Variants in ABHD6 observed in about 807,000 individuals in gnomAD.
ABHD6 encodes abhydrolase domain containing 6, acylglycerol lipase.
A neutral mutation model predicts 38.8 loss-of-function variants in ABHD6; 33 were observed. The ratio of observed to expected loss-of-function variants is 0.85; its 90% CI spans 0.64 to 1.14. The LOEUF is 1.14. Among genes scored for constraint, ABHD6 ranks in the 50% most tolerant of loss-of-function variants. The pLI, the probability that ABHD6 is intolerant of heterozygous loss-of-function variation, is 0.00. For synonymous variants in ABHD6, 147 were observed against 161.6 expected (o/e 0.91, Z 0.69); for missense variants, 380 against 422.6 (o/e 0.90, Z 0.88).
Position 58,270,960 on chromosome 3 carries a change from A to T in ABHD6, c.419A>T (p.Lys140Ile). 6.2e-7 allele frequency: 1 copy of T among 1,610,488 alleles called. No individual in the cohort carries two copies. Among genetic ancestry groups the T allele is most frequent in the Non-Finnish European group, 8.5e-7 (1 of 1,179,004 alleles). The change falls in exon 6 of 10, where the codon AAA (lysine) becomes ATA (isoleucine). Residue 140 changes from lysine to isoleucine, a missense_variant. Transcript: ENST00000478253. ...QFVECLKLNK[K>I]PFHLVGTSMG... ...GTAGAATGCCTGAAGCTGAACAAAA[A>T]ACCTTTCCACCTGGTAGGCACCTCC...
intron 6 of ABHD6, among the ~76,000 whole-genome samples, chr3:58,271,290 T>TG (rs2097444689): frequency 1.3e-5 from 2 of 151,104 alleles, no homozygotes; most frequent in African/African-American, 4.9e-5. Context: ...GAATTTGAGG[T>TG]GGGGCCAGGC....
chr3:58,249,013 C>G (rs2097428288), intron 1 of ABHD6, among the ~76,000 whole-genome samples: 1 of 152,086 alleles, frequency 6.6e-6, no homozygotes, highest in Non-Finnish European at 1.5e-5. Context: ...ATTATCTGTT[C>G]AGATCATTTG....
chr3:58,263,563 C>T lies in ABHD6; in HGVS notation c.120-3626C>T, dbSNP rs2107445852. ...TGAATCCGGCAGTCTGGCCGCCTTC[C>T]AACCCTGTGTCTCTTCATTCTGGTT... On this transcript the variant is annotated intron_variant, in intron 3 of 9. Coordinates refer to ENST00000478253, the MANE Select transcript of ABHD6 (RefSeq NM_001320126.2). The surrounding 1 kb of genome is among the most constrained non-coding windows in gnomAD (Gnocchi z 4.9). Among the ~76,000 whole-genome samples, 1 of 152,310 alleles carries T rather than the reference C, an allele frequency of 6.6e-6. No individual in the cohort carries two copies.
rs1381564678 is a variant in ABHD6, at chr3:58,287,910, A to C, written c.837+2457A>C. On this transcript the variant is annotated intron_variant, in intron 9 of 9. Transcript: ENST00000478253. The surrounding 1 kb of genome is among the most constrained non-coding windows in gnomAD (Gnocchi z 4.7). ...TATTTTGAGGCTCAAATGAAATAAT[A>C]TGTATGAAAATGATCTTCCAGTTGC... 6.6e-5 allele frequency among the ~76,000 whole-genome samples: 10 copies of C among 152,252 alleles called. No individual in the cohort carries two copies. Among genetic ancestry groups the C allele is most frequent in the Non-Finnish European group, 1.5e-4 (10 of 68,038 alleles).
rs533356642 is a variant in ABHD6 at position 58,286,346 on chromosome 3, G to A, written c.837+893G>A. On this transcript the variant is annotated intron_variant, in intron 9 of 9. Transcript: ENST00000478253. ...TTTTGTATTTTTTTTAGTAGAGACG[G>A]GGTTTCACCATTTTGGCCAGGCTGG... Among the ~76,000 whole-genome samples, 211 of 152,110 alleles carry A rather than the reference G, an allele frequency of 1.4e-3. 2 individuals are homozygous for A. The highest frequency in any genetic ancestry group is 3.4e-3 in the Middle Eastern group (1 of 294).
chr3:58,268,830 C>A (rs1051677403), intron 4 of ABHD6, among the ~76,000 whole-genome samples: 4 of 152,100 alleles, frequency 2.6e-5, no homozygotes, highest in African/African-American at 9.7e-5. Flanking sequence ...GAAAAGTAGA[C>A]CTTAATGTAA....
At chr3:58,272,041 T>C (rs2097445409) in intron 6 of ABHD6, among the ~76,000 whole-genome samples, 11 of 152,270 alleles carry the variant, frequency 7.2e-5, no homozygotes, top group Admixed American at 7.2e-4. Flanking sequence ...TGGCCTCAAG[T>C]GATCTGCCCG....
At chr3:58,289,734 C>A (rs2097460230) in intron 9 of ABHD6, among the ~76,000 whole-genome samples, 1 of 152,266 alleles carries the variant, frequency 6.6e-6, no homozygotes, top group African/African-American at 2.4e-5. Context: ...ATGGCCTATT[C>A]TCAATGAGCT....
chr3:58,271,972 G>C (rs1268560916), intron 6 of ABHD6, among the ~76,000 whole-genome samples: 1 of 151,858 alleles, frequency 6.6e-6, no homozygotes, highest in East Asian at 1.9e-4. Flanking sequence ...CGCAATGTTG[G>C]CTAGGCAAAC....
rs993208772 is a variant in ABHD6, at chr3:58,251,777, C to T, written c.-26+1835C>T. On this transcript the variant is annotated intron_variant, in intron 2 of 9. Coordinates refer to ENST00000478253, the MANE Select transcript of ABHD6 (RefSeq NM_001320126.2). This position sits in a 1 kb window ranked among gnomAD's most constrained non-coding sequence, Gnocchi z 5.4. ...CCGCAGTGTCTTTAACCCTGGGGTG[C>T]CTCACTTTACACGATAAATAGATAA... Among the ~76,000 whole-genome samples, 13 of 152,266 alleles carry T rather than the reference C, an allele frequency of 8.5e-5. No homozygotes were observed. The highest frequency in any genetic ancestry group is 3.1e-4 in the African/African-American group (13 of 41,542).
chr3:58,258,263 C>T lies in ABHD6; in HGVS notation c.119+1558C>T, dbSNP rs951654358. 2.9e-4 allele frequency: 99 copies of T among 339,456 alleles called. No homozygotes were observed. In the Admixed American group the frequency reaches 3.3e-3, roughly 11 times the overall value. 21.0% of individuals were successfully genotyped at this position (339,456 alleles called of 1,614,324 possible). ...TGGAGGTTGCGGTGAGCTGAGATCGCGCCATTGCACTCCAGCCTGGGCAAC... is the reference window on the plus strand; with the variant it reads ...TGGAGGTTGCGGTGAGCTGAGATCGTGCCATTGCACTCCAGCCTGGGCAAC... On this transcript the variant is annotated intron_variant, in intron 3 of 9. Transcript: ENST00000478253.
chr3:58,277,047 T>C (rs1224995103), intron 7 of ABHD6, among the ~76,000 whole-genome samples: 1 of 152,240 alleles, frequency 6.6e-6, no homozygotes, highest in Non-Finnish European at 1.5e-5. Context: ...TCAGGTAGCT[T>C]GGTGCTTCCA....
Position 58,285,341 on chromosome 3 carries a change from T to G in ABHD6, c.737-12T>G. The G allele has an allele frequency of 6.2e-7, 1 of 1,613,218 alleles. No homozygotes were observed. Among genetic ancestry groups the G allele is most frequent in the Non-Finnish European group, 8.5e-7 (1 of 1,179,114 alleles). On this transcript the variant is annotated splice_polypyrimidine_tract_variant and intron_variant, in intron 8 of 9. Transcript: ENST00000478253. The surrounding 1 kb of genome is among the most constrained non-coding windows in gnomAD (Gnocchi z 4.9). ...CCAGCACATACTCACTTTGTTTTCCTTTTCTGACAAGTGTTTTTGGAAATC... is the reference window on the plus strand; with the variant it reads ...CCAGCACATACTCACTTTGTTTTCCGTTTCTGACAAGTGTTTTTGGAAATC...
intron 5 of ABHD6, 57 bp from the exon 6 acceptor site, chr3:58,270,875 A>G: frequency 2.0e-6 from 3 of 1,531,454 alleles, no homozygotes; most frequent in Non-Finnish European, 2.6e-6. Flanking sequence ...TGCTGTAGTC[A>G]CCATTGCCAT....
At chr3:58,289,780 C>A (rs1311917213) in intron 9 of ABHD6, among the ~76,000 whole-genome samples, 1 of 152,050 alleles carries the variant, frequency 6.6e-6, no homozygotes. Context: ...GGTGGCTGGG[C>A]AGAGGGGCTC....
chr3:58,293,920 C>A lies in ABHD6; in HGVS notation c.*155C>A. On this transcript the variant is annotated 3_prime_UTR_variant, in exon 10 of 10. Transcript: ENST00000478253. This position sits in a 1 kb window ranked among gnomAD's most constrained non-coding sequence, Gnocchi z 4.4. ...CTTATCCCTGGTATCCACGGTTCCC[C>A]AGAGCTTTGGGGACCACGCGAAAAC... 1 of 793,064 alleles carries A rather than the reference C, an allele frequency of 1.3e-6. No individual in the cohort carries two copies. Among genetic ancestry groups the A allele is most frequent in the Non-Finnish European group, 1.9e-6 (1 of 529,156 alleles). 49.1% of individuals were successfully genotyped at this position (793,064 alleles called of 1,614,324 possible).
chr3:58,252,150 G>A (rs1027119865), intron 2 of ABHD6, among the ~76,000 whole-genome samples: 3 of 151,008 alleles, frequency 2.0e-5, no homozygotes, highest in African/African-American at 7.3e-5. Context: ...CTCAGTGGCA[G>A]CCATTCAAGG....
Position 58,285,395 on chromosome 3 carries a change from A to C in ABHD6, c.779A>C (p.His260Pro). The C allele has an allele frequency of 6.2e-7, 1 of 1,614,152 alleles. No individual in the cohort carries two copies. The highest frequency in any genetic ancestry group is 8.5e-7 in the Non-Finnish European group (1 of 1,179,996). Reference sequence around the variant, plus strand: ...AGTGAGAAGTCCAGATACTCTCTCCATCAGAACATGGACAAGATCAAGGTT... The same window carrying C: ...AGTGAGAAGTCCAGATACTCTCTCCCTCAGAACATGGACAAGATCAAGGTT... ...IVSEKSRYSLHQNMDKIKVPT... is the reference protein window; with the variant it reads ...IVSEKSRYSLPQNMDKIKVPT... Residue 260 changes from histidine (H) to proline (P), a missense_variant, in exon 9 of 10, where the codon CAT (histidine) becomes CCT (proline). Coordinates refer to ENST00000478253, the MANE Select transcript of ABHD6 (RefSeq NM_001320126.2). This position sits in a 1 kb window ranked among gnomAD's most constrained non-coding sequence, Gnocchi z 4.9.
At chr3:58,239,017 C>T (rs2097421001) in intron 1 of ABHD6, among the ~76,000 whole-genome samples, 1 of 152,096 alleles carries the variant, frequency 6.6e-6, no homozygotes, top group Admixed American at 6.5e-5. Flanking sequence ...GTAGGTACCA[C>T]CGCTGTGCCC....
Sources: allele counts gnomAD v4.1 joint callset (sites outside exome capture counted in the v4.1 genomes callset), GRCh38; gene constraint gnomAD v4.1.1; non-coding constraint Gnocchi (gnomAD v3.1); transcripts MANE v1.5; gene names NCBI Gene and HGNC (gene_info 2026-07-23, HGNC 2026-07-21).